Variants in ARL14EP observed in about 807,000 individuals in gnomAD.
ARL14EP encodes ARF like GTPase 14 effector protein, also known as ARL14 effector protein.
ARL14EP carries 12 observed loss-of-function variants against 23.1 expected under a neutral mutation model. The ratio of observed to expected loss-of-function variants is 0.52; its 90% CI spans 0.33 to 0.84. The LOEUF (loss-of-function observed/expected upper bound fraction) is 0.84, where lower values mean the gene tolerates loss of function less well. Among genes scored for constraint, ARL14EP ranks in the 40% least tolerant of loss-of-function variants. The pLI is 0.02. For synonymous variants in ARL14EP, 97 were observed against 102.0 expected (o/e 0.95, Z 0.29); for missense variants, 253 against 307.3 (o/e 0.82, Z 1.32).
At chr11:30,333,602 A>T (rs752645051) in intron 3 of ARL14EP, among the ~76,000 whole-genome samples, 2 of 152,146 alleles carry the variant, frequency 1.3e-5, no homozygotes, top group African/African-American at 2.4e-5. Flanking sequence ...TGCTCCACCT[A>T]CTGGCTGTTC....
chr11:30,331,533 A>G (rs886249771), intron 2 of ARL14EP, 159 bp downstream of exon 2: 3 of 1,465,622 alleles, frequency 2.0e-6, no homozygotes, highest in South Asian at 1.4e-5. Flanking sequence ...TATTATTCAC[A>G]TATACTGAAG....
chr11:30,324,348 A>T (rs1045798419), intron 1 of ARL14EP, among the ~76,000 whole-genome samples: 4 of 152,194 alleles, frequency 2.6e-5, no homozygotes, highest in Non-Finnish European at 4.4e-5. Context: ...TTGTTTTGTT[A>T]AATTTCCTCT....
chr11:30,325,210 G>A (rs1947227887), intron 1 of ARL14EP, among the ~76,000 whole-genome samples: 1 of 152,138 alleles, frequency 6.6e-6, no homozygotes, highest in Non-Finnish European at 1.5e-5. Flanking sequence ...CTTGGCTCTG[G>A]CTGAGAGTTG....
At chr11:30,334,160 A>C (rs11031051) in intron 3 of ARL14EP, among the ~76,000 whole-genome samples, 55,502 of 148,794 alleles carry the variant, frequency 0.37, 10,813 homozygotes, top group East Asian at 0.59. Context: ...CAAGTTATTA[A>C]TGAAGGTAGC....
chr11:30,324,245 G>A (rs1218497124), intron 1 of ARL14EP, among the ~76,000 whole-genome samples: 2 of 152,074 alleles, frequency 1.3e-5, no homozygotes, highest in Non-Finnish European at 1.5e-5. Context: ...GCCAAGAAAA[G>A]CCTTTAATTT....
intron 1 of ARL14EP, among the ~76,000 whole-genome samples, chr11:30,326,523 C>T (rs913515412): frequency 6.6e-6 from 1 of 152,082 alleles, no homozygotes; most frequent in African/African-American, 2.4e-5. Context: ...GAACACAGAC[C>T]AAAATGAGCA....
At chr11:30,330,355 T>G (rs1303079403) in intron 1 of ARL14EP, 1 of 152,356 alleles carries the variant, frequency 6.6e-6, no homozygotes, top group African/African-American at 2.4e-5. Context: ...TGATGGAACT[T>G]TGATTGTAAC....
At chr11:30,327,969 C>T (rs1007833940) in intron 1 of ARL14EP, 2 of 152,020 alleles carry the variant, frequency 1.3e-5, no homozygotes, top group African/African-American at 4.8e-5. Context: ...GAGCGAGACT[C>T]CGTCTCAAAA....
intron 3 of ARL14EP, 147 bp downstream of exon 3, chr11:30,333,140 T>A (rs1034590504): frequency 9.2e-7 from 1 of 1,087,212 alleles, no homozygotes; most frequent in African/African-American, 1.6e-5. Flanking sequence ...GGCCTTTGTT[T>A]TTATTCATAT....
In ARL14EP at chr11:30,337,778, T is replaced by C. The variant is rs1340739268; in HGVS notation, c.*983T>C. On this transcript the variant is annotated 3_prime_UTR_variant, in exon 4 of 4. Transcript: ENST00000282032. ...GTTTGCCGTGAACATAAAAGATGCT[T>C]ACTCAGTATGGTAAGTTACTTGCCA... 2 of 152,232 alleles carry C rather than the reference T, an allele frequency of 1.3e-5. No individual in the cohort carries two copies. The highest frequency in any genetic ancestry group is 2.9e-5 in the Non-Finnish European group (2 of 68,030). 9.4% of individuals were successfully genotyped at this position (152,232 alleles called of 1,614,324 possible). A position where few individuals can be genotyped will look rare whatever the true frequency, so the allele number is the denominator to read the frequency against.
At position 30,336,685 on chromosome 11, in the gene ARL14EP, G is replaced by T. The variant is rs753202655; in HGVS notation, c.673G>T (p.Ala225Ser). ...DCLGCFYACP[A>S]CGSTKCGAEC... ...CTTAGGATGTTTCTATGCTTGTCCT[G>T]CCTGTGGTTCTACCAAGTGTGGAGC... Residue 225 changes from alanine (A) to serine (S), a missense_variant, in exon 4 of 4, where the codon GCC (alanine) becomes TCC (serine). Ala to Ser is a moderately conservative substitution (Grantham distance 99). Transcript: ENST00000282032. The T allele has an allele frequency of 1.1e-5, 18 of 1,614,010 alleles. 1 individual carries two copies. The South Asian group carries it at 1.4e-4, about 13-fold the overall frequency.
In ARL14EP at chr11:30,336,642, C is replaced by G; in HGVS notation, c.630C>G (p.Asp210Glu). The G allele has an allele frequency of 6.2e-7, 1 of 1,614,142 alleles. No individual in the cohort carries two copies. Among genetic ancestry groups the G allele is most frequent in the Non-Finnish European group, 8.5e-7 (1 of 1,180,020 alleles). Residue 210 changes from aspartate to glutamate, a missense_variant, in exon 4 of 4, where the codon GAC (aspartate) becomes GAG (glutamate). Transcript: ENST00000282032. ...TTTTTAGTGGGATGGACCTCTGTGA[C>G]TGCCTGGATGAAGACTGCTTAGGAT... Reference protein sequence around the residue: ...LLIFSGMDLCDCLDEDCLGCF... With the variant: ...LLIFSGMDLCECLDEDCLGCF...
Position 30,336,838 on chromosome 11 carries a change from T to A in ARL14EP, c.*43T>A, listed in dbSNP as rs1045714695. The A allele has an allele frequency of 1.3e-6, 2 of 1,513,546 alleles. No homozygotes were observed. The highest frequency in any genetic ancestry group is 2.3e-5 in the East Asian group (1 of 44,380). The allele number at this position is 1,513,546 out of a possible 1,614,324, so 93.8% of individuals were successfully genotyped here. A position where few individuals can be genotyped will look rare whatever the true frequency, so the allele number is the denominator to read the frequency against. ...TGGAGCCTTTAAAGGTCTTTATTTC[T>A]AAAAATCTGTTACTCTAAGATACAT... On this transcript the variant is annotated 3_prime_UTR_variant, in exon 4 of 4. Transcript: ENST00000282032.
chr11:30,331,689 T>A (rs1223582093), intron 2 of ARL14EP: 2 of 1,170,720 alleles, frequency 1.7e-6, no homozygotes, highest in Non-Finnish European at 2.1e-6. Context: ...TCTTTTCTGA[T>A]ACCAAAGTAA....
chr11:30,336,460 G>C, intron 3 of ARL14EP, 107 bp from the exon 4 acceptor site: 3 of 1,018,926 alleles, frequency 2.9e-6, no homozygotes, highest in Non-Finnish European at 4.3e-6. Flanking sequence ...ATTTTGGCAT[G>C]ACCTCATCTA....
intron 3 of ARL14EP, among the ~76,000 whole-genome samples, chr11:30,333,713 A>G (rs1035494797): frequency 1.3e-5 from 2 of 152,186 alleles, no homozygotes; most frequent in Non-Finnish European, 2.9e-5. Context: ...TAAGTGTTCA[A>G]GTGAAAGGAA....
chr11:30,333,114 A>T, intron 3 of ARL14EP, 121 bp downstream of exon 3: 2 of 1,319,026 alleles, frequency 1.5e-6, no homozygotes, highest in Non-Finnish European at 2.1e-6. Context: ...ATGTAGAATT[A>T]GTAAAAACCT....
intron 3 of ARL14EP, among the ~76,000 whole-genome samples, chr11:30,334,170 C>A (rs1947310967): frequency 6.8e-6 from 1 of 148,026 alleles, no homozygotes; most frequent in African/African-American, 2.5e-5. Flanking sequence ...ATGAAGGTAG[C>A]TACACTACCC....
chr11:30,329,636 G>A (rs1425700420), intron 1 of ARL14EP: 1 of 152,096 alleles, frequency 6.6e-6, no homozygotes, highest in Non-Finnish European at 1.5e-5. Context: ...TCAAGCAAAT[G>A]TTTAATAAAT....
Sources: gnomAD v4.1 joint callset for allele counts (sites outside exome capture counted in the v4.1 genomes callset) on GRCh38, gnomAD v4.1.1 for gene constraint, MANE v1.5 for transcripts, NCBI Gene and HGNC (gene_info 2026-07-23, HGNC 2026-07-21) for gene names.